MRPS27: variants seen among roughly 807,000 people sequenced by gnomAD.
MRPS27 encodes mitochondrial ribosomal protein S27, also known as small ribosomal subunit protein mS27.
In MRPS27, 43 loss-of-function variants were observed where a neutral mutation model predicts 48.9. The observed-to-expected ratio is 0.88, with a 90% CI of 0.69 to 1.13. MRPS27 has a LOEUF of 1.13. Among genes scored for constraint, MRPS27 ranks in the 50% most tolerant of loss-of-function variants. The pLI, the probability that MRPS27 is intolerant of heterozygous loss-of-function variation, is 0.00. For missense variants in MRPS27, 467 were observed against 476.3 expected, an observed-to-expected ratio of 0.98 and a Z score of 0.18; for synonymous variants, 188 against 171.9, an observed-to-expected ratio of 1.09 and a Z score of -0.73.
intron 2 of MRPS27, among the ~76,000 whole-genome samples, chr5:72,301,270 T>A (rs73128904): frequency 1.3e-5 from 2 of 152,344 alleles, no homozygotes; most frequent in Admixed American, 1.3e-4. Context: ...CTTAAAGGGA[T>A]TGAAGCCAAG....
intron 7 of MRPS27, among the ~76,000 whole-genome samples, chr5:72,230,425 T>C (rs1456636121): frequency 2.6e-5 from 4 of 152,218 alleles, no homozygotes; most frequent in East Asian, 3.8e-4. Flanking sequence ...TCCTGCTCCA[T>C]TACTCATATG....
rs74411482 is a variant in MRPS27, at chr5:72,240,838, G to A, written c.282-2710C>T. 3.7e-3 allele frequency among the ~76,000 whole-genome samples: 562 copies of A among 152,254 alleles called. 1 individual carries two copies. Among genetic ancestry groups the A allele is most frequent in the African/African-American group, 0.013 (547 of 41,540 alleles). The stretch of plus-strand genomic sequence containing the variant: ...GACTTTCTCTCTTAGAAGCCTAAAG[G>A]GAAAGTTACTCAAGACTTCACACAT... On this transcript the variant is annotated intron_variant, in intron 4 of 10. Coordinates refer to ENST00000261413, the MANE Select transcript of MRPS27 (RefSeq NM_015084.3).
At position 72,307,524 on chromosome 5, in the gene MRPS27, G is replaced by T. The variant is rs534904541; in HGVS notation, c.151+6557C>A. ...ACGGATGAAATGACTTACTGCCTGGGATCTCCTTCAAAATTATCCAAAGCA... is the reference window on the plus strand; with the variant it reads ...ACGGATGAAATGACTTACTGCCTGGTATCTCCTTCAAAATTATCCAAAGCA... On this transcript the variant is annotated intron_variant, in intron 2 of 10. Coordinates refer to ENST00000261413, the MANE Select transcript of MRPS27 (RefSeq NM_015084.3). 1.4e-4 allele frequency among the ~76,000 whole-genome samples: 21 copies of T among 152,274 alleles called. No homozygotes were observed. The South Asian group carries it at 4.4e-3, about 32-fold the overall frequency.
chr5:72,258,524 G>T (rs972806512), intron 4 of MRPS27, among the ~76,000 whole-genome samples: 6 of 152,128 alleles, frequency 3.9e-5, no homozygotes, highest in African/African-American at 1.4e-4. Context: ...GGAAGTGGGG[G>T]CTAATGGGAG....
intron 4 of MRPS27, among the ~76,000 whole-genome samples, chr5:72,275,250 A>G (rs1386461014): frequency 6.6e-6 from 1 of 152,192 alleles, no homozygotes; most frequent in Non-Finnish European, 1.5e-5. Context: ...ACAAGCAGAG[A>G]GCCAAATCAT....
intron 2 of MRPS27, among the ~76,000 whole-genome samples, chr5:72,305,122 T>C (rs1193230203): frequency 6.6e-6 from 1 of 152,228 alleles, no homozygotes; most frequent in African/African-American, 2.4e-5. Flanking sequence ...TCTATTTGTC[T>C]GTCACCAGAA....
chr5:72,259,280 C>T (rs905711419), intron 4 of MRPS27, among the ~76,000 whole-genome samples: 1 of 152,048 alleles, frequency 6.6e-6, no homozygotes, highest in Non-Finnish European at 1.5e-5. Flanking sequence ...ACCAGCCTGA[C>T]CAACATGGTG....
At position 72,299,562 on chromosome 5, in the gene MRPS27, A is replaced by T. The variant is rs79609444; in HGVS notation, c.152-1860T>A. ...GCTATTCAAAACATTTAAAAATTGA[A>T]ATTTATCAAGTGACTTTTATACCTA... On this transcript the variant is annotated intron_variant, in intron 2 of 10. Coordinates refer to ENST00000261413, the MANE Select transcript of MRPS27 (RefSeq NM_015084.3). Among the ~76,000 whole-genome samples the T allele has an allele frequency of 3.8e-3, 575 of 152,342 alleles. 1 individual carries two copies. Among genetic ancestry groups the T allele is most frequent in the African/African-American group, 0.013 (551 of 41,570 alleles).
intron 4 of MRPS27, among the ~76,000 whole-genome samples, chr5:72,284,217 A>G (rs1749606562): frequency 6.6e-6 from 1 of 151,158 alleles, no homozygotes; most frequent in Non-Finnish European, 1.5e-5. Context: ...GTTCAAGACC[A>G]GCCTGGGCAA....
intron 10 of MRPS27, among the ~76,000 whole-genome samples, chr5:72,221,382 G>T (rs964375691): frequency 6.6e-6 from 1 of 152,150 alleles, no homozygotes; most frequent in Non-Finnish European, 1.5e-5. Context: ...TTTCATTCAG[G>T]TGCTGTTAGC....
At chr5:72,258,306 T>A (rs1748867507) in intron 4 of MRPS27, among the ~76,000 whole-genome samples, 1 of 152,174 alleles carries the variant, frequency 6.6e-6, no homozygotes, top group Non-Finnish European at 1.5e-5. Context: ...AAGTCTACCA[T>A]GTTCTCTGAT....
At chr5:72,287,610 G>T (rs1749707224) in intron 4 of MRPS27, among the ~76,000 whole-genome samples, 1 of 152,212 alleles carries the variant, frequency 6.6e-6, no homozygotes, top group African/African-American at 2.4e-5. Flanking sequence ...CCGCACTCCA[G>T]CCTGCATGAC....
In MRPS27 at chr5:72,221,030, T is replaced by C; in HGVS notation, c.1124A>G (p.Tyr375Cys). ...STCEAEDIATYEQNLQQWHLD... is the reference protein window; with the variant it reads ...STCEAEDIATCEQNLQQWHLD... The stretch of plus-strand genomic sequence containing the variant: ...ATGCCACTGCTGCAGATTCTGCTCA[T>C]AGGTGGCGATGTCCTCTGCTTCACA... The change falls in exon 11 of 11, where the codon TAT becomes TGT. Residue 375 changes from tyrosine (Y) to cysteine (C), a missense_variant. Transcript: ENST00000261413. 2 of 1,614,230 alleles carry C rather than the reference T, an allele frequency of 1.2e-6. No homozygotes were observed. Among genetic ancestry groups the C allele is most frequent in the South Asian group, 1.1e-5 (1 of 91,090 alleles).
At chr5:72,313,927 T>C (rs1443474642) in intron 2 of MRPS27, among the ~76,000 whole-genome samples, 154 bp downstream of exon 2, 1 of 152,250 alleles carries the variant, frequency 6.6e-6, no homozygotes, top group African/African-American at 2.4e-5. Flanking sequence ...GATTTTGCCA[T>C]GTATAAAAGT....
At chr5:72,243,619 T>G (rs181705418) in intron 4 of MRPS27, among the ~76,000 whole-genome samples, 1 of 152,272 alleles carries the variant, frequency 6.6e-6, no homozygotes, top group East Asian at 1.9e-4. Flanking sequence ...ATACACACAC[T>G]TAGCCTGCAC....
At chr5:72,223,959 G>C (rs1025456607) in intron 9 of MRPS27, 109 bp from the exon 10 acceptor site, 8 of 1,054,576 alleles carry the variant, frequency 7.6e-6, no homozygotes, top group Admixed American at 5.6e-5. Flanking sequence ...CTAAAAGACT[G>C]TGAAAACATT....
chr5:72,276,039 T>C (rs201498878), intron 4 of MRPS27, among the ~76,000 whole-genome samples: 1 of 146,358 alleles, frequency 6.8e-6, no homozygotes, highest in African/African-American at 2.5e-5. Flanking sequence ...GTGGGGGGGG[T>C]ACTATGAATT....
At chr5:72,299,499 AATATATTAGCT>A (rs1416034699) in intron 2 of MRPS27, among the ~76,000 whole-genome samples, 1 of 152,240 alleles carries the variant, frequency 6.6e-6, no homozygotes, top group Non-Finnish European at 1.5e-5. Context: ...TGTATTTTGA[AATATATTAGCT>A]ATATATCAGG....
chr5:72,317,769 C>T (rs1383293545), intron 1 of MRPS27, among the ~76,000 whole-genome samples: 1 of 152,138 alleles, frequency 6.6e-6, no homozygotes, highest in African/African-American at 2.4e-5. Context: ...CTCACTGCAA[C>T]CTTTGCCTCC....
Sources: allele counts gnomAD v4.1 joint callset (sites outside exome capture counted in the v4.1 genomes callset), GRCh38; gene constraint gnomAD v4.1.1; transcripts MANE v1.5; gene names NCBI Gene and HGNC (gene_info 2026-07-23, HGNC 2026-07-21).